PTPN13: variants seen among roughly 807,000 people sequenced by gnomAD.
PTPN13 encodes the protein protein tyrosine phosphatase non-receptor type 13.
In PTPN13, 191 loss-of-function variants were observed where a neutral mutation model predicts 284.0. That is an observed-to-expected ratio of 0.67 (90% CI 0.60 to 0.76). The LOEUF is 0.76. Ranked by LOEUF, PTPN13 falls within the 30% of genes least tolerant of loss-of-function variation. The pLI, the probability that PTPN13 is intolerant of heterozygous loss-of-function variation, is 0.00. For missense variants in PTPN13, 2,797 were observed against 2,939.9 expected (o/e 0.95, Z 1.12); for synonymous variants, 986 against 1,022.3 (o/e 0.96, Z 0.68).
At chr4:86,627,035 G>A (rs936282341) in intron 1 of PTPN13, among the ~76,000 whole-genome samples, 2 of 152,052 alleles carry the variant, frequency 1.3e-5, no homozygotes, top group Non-Finnish European at 2.9e-5. Flanking sequence ...CCTTAAAAAA[G>A]AAGGAAATCC....
At chr4:86,711,114 T>TTG in intron 7 of PTPN13, among the ~76,000 whole-genome samples, 1 of 149,698 alleles carries the variant, frequency 6.7e-6, no homozygotes, top group Admixed American at 6.7e-5. Context: ...TTTTTTTTTT[T>TTG]TTTGGAGAGA....
chr4:86,611,630 C>CT (rs1447570047), intron 1 of PTPN13, among the ~76,000 whole-genome samples: 7 of 152,174 alleles, frequency 4.6e-5, no homozygotes, highest in African/African-American at 1.7e-4. Context: ...CAAGATAAGC[C>CT]TTATCACTAC....
intron 2 of PTPN13, among the ~76,000 whole-genome samples, chr4:86,647,354 T>C (rs1339987321): frequency 6.6e-6 from 1 of 152,040 alleles, no homozygotes; most frequent in African/African-American, 2.4e-5. Context: ...AAGAAAAATG[T>C]TTTTCAGTCA....
chr4:86,728,280 A>T (rs917577172), intron 10 of PTPN13, among the ~76,000 whole-genome samples: 1 of 149,610 alleles, frequency 6.7e-6, no homozygotes, highest in African/African-American at 2.4e-5. Flanking sequence ...GCTGAGAAGA[A>T]TGTACATTCT....
At chr4:86,725,387 C>A (rs963368722) in intron 10 of PTPN13, among the ~76,000 whole-genome samples, 1 of 149,238 alleles carries the variant, frequency 6.7e-6, no homozygotes, top group South Asian at 2.1e-4. Flanking sequence ...CTTGAGTAAT[C>A]GCCACACTGT....
chr4:86,635,319 A>G lies in PTPN13; in HGVS notation c.63A>G (p.Ile21Met), dbSNP rs772378872. 7 of 1,607,870 alleles carry G rather than the reference A, an allele frequency of 4.4e-6. No homozygotes were observed. Among genetic ancestry groups the G allele is most frequent in the South Asian group, 1.1e-5 (1 of 89,232 alleles). Residue 21 changes from isoleucine to methionine, a missense_variant, in exon 2 of 48, where the codon ATA becomes ATG. Coordinates refer to ENST00000411767, the MANE Select transcript of PTPN13 (RefSeq NM_080683.3). ...VRGGPLQEEE[I>M]WAVLNQSAES... ...GTGGACCACTTCAGGAGGAAGAAAT[A>G]TGGGCTGTATTAAATCAAAGTGCTG...
chr4:86,750,336 C>A (rs1165556767), intron 17 of PTPN13, 134 bp from the exon 18 acceptor site: 15 of 785,846 alleles, frequency 1.9e-5, no homozygotes, highest in Non-Finnish European at 2.9e-5. Context: ...CTGATTGCCA[C>A]ACTTTGAAAG....
At chr4:86,750,404 A>C (rs1411915551) in intron 17 of PTPN13, 66 bp from the exon 18 acceptor site, 8 of 1,358,052 alleles carry the variant, frequency 5.9e-6, no homozygotes, top group Non-Finnish European at 8.1e-6. Context: ...TTATTTATTA[A>C]CATAATTATT....
intron 35 of PTPN13, among the ~76,000 whole-genome samples, chr4:86,777,372 G>A (rs1245885442): frequency 6.6e-6 from 1 of 151,954 alleles, no homozygotes; most frequent in Non-Finnish European, 1.5e-5. Flanking sequence ...CTGTTGCCAC[G>A]TCTCTTTCTG....
intron 2 of PTPN13, chr4:86,661,192 A>T (rs1235268288): frequency 2.5e-6 from 1 of 396,068 alleles, no homozygotes; most frequent in Non-Finnish European, 4.9e-6. Flanking sequence ...CATATCACAC[A>T]GATAATATTT....
rs568974478 is a variant in PTPN13, at chr4:86,667,262, C to T, written c.116-5103C>T. ...AAATGATGTTGCATGATTATCTATACCAAGAAAACTTAAATGTAAAATGTC... is the reference window on the plus strand; with the variant it reads ...AAATGATGTTGCATGATTATCTATATCAAGAAAACTTAAATGTAAAATGTC... On this transcript the variant is annotated intron_variant, in intron 2 of 47. Transcript: ENST00000411767. Among the ~76,000 whole-genome samples the T allele has an allele frequency of 3.9e-5, 6 of 152,198 alleles. No homozygotes were observed. The East Asian group carries it at 1.2e-3, about 29-fold the overall frequency.
intron 6 of PTPN13, among the ~76,000 whole-genome samples, chr4:86,695,441 A>G (rs1228912527): frequency 1.3e-5 from 2 of 152,018 alleles, no homozygotes; most frequent in African/African-American, 4.8e-5. Flanking sequence ...TGTAAACTTT[A>G]GCACTAATAA....
At chr4:86,725,316 C>A (rs1203493251) in intron 10 of PTPN13, among the ~76,000 whole-genome samples, 2 of 149,206 alleles carry the variant, frequency 1.3e-5, no homozygotes, top group African/African-American at 4.9e-5. Context: ...GATTTATAAT[C>A]CTTTGGGTAT....
In PTPN13 at chr4:86,594,739, G is replaced by C. The variant is rs1253997668; in HGVS notation, c.-56G>C. 1 of 152,358 alleles carries C rather than the reference G, an allele frequency of 6.6e-6. No individual in the cohort carries two copies. Among genetic ancestry groups the C allele is most frequent in the East Asian group, 1.9e-4 (1 of 5,176 alleles). 9.4% of individuals were successfully genotyped at this position (152,358 alleles called of 1,614,324 possible). A position where few individuals can be genotyped will look rare whatever the true frequency, so the allele number is the denominator to read the frequency against. ...CGGCCCGCCCCGACGCCGCGTCCCT[G>C]CAGCCCTCGCCCGGCGCTCCAGTAG... is the stretch of plus-strand genomic sequence containing the variant. On this transcript the variant is annotated 5_prime_UTR_variant, in exon 1 of 48. Coordinates refer to ENST00000411767, the MANE Select transcript of PTPN13 (RefSeq NM_080683.3).
chr4:86,671,197 A>T (rs1209587234), intron 2 of PTPN13, among the ~76,000 whole-genome samples: 1 of 152,214 alleles, frequency 6.6e-6, no homozygotes, highest in Non-Finnish European at 1.5e-5. Context: ...GATCATGTAG[A>T]TGATAGGTAG....
intron 15 of PTPN13, among the ~76,000 whole-genome samples, chr4:86,740,144 C>G (rs1275446777): frequency 6.6e-6 from 1 of 152,180 alleles, no homozygotes; most frequent in Non-Finnish European, 1.5e-5. Context: ...GTCTGGAGGA[C>G]AGTGGCCCTC....
chr4:86,665,519 C>G (rs1263612699), intron 2 of PTPN13, among the ~76,000 whole-genome samples: 7 of 152,080 alleles, frequency 4.6e-5, no homozygotes, highest in Non-Finnish European at 1.0e-4. Context: ...TCAATAAGTA[C>G]TAATTGGTTT....
At chr4:86,756,168 T>C (rs937661325) in intron 20 of PTPN13, among the ~76,000 whole-genome samples, 1 of 151,996 alleles carries the variant, frequency 6.6e-6, no homozygotes. Flanking sequence ...TTAATCACTT[T>C]ACAAAGCACT....
At chr4:86,743,284 A>AT (rs1339570479) in intron 16 of PTPN13, among the ~76,000 whole-genome samples, 2 of 152,100 alleles carry the variant, frequency 1.3e-5, no homozygotes, top group Non-Finnish European at 2.9e-5. Flanking sequence ...TATCTCTGGC[A>AT]TTTTTTGTGT....
Sources: allele counts gnomAD v4.1 joint callset (sites outside exome capture counted in the v4.1 genomes callset), GRCh38; gene constraint gnomAD v4.1.1; transcripts MANE v1.5; gene names NCBI Gene and HGNC (gene_info 2026-07-23, HGNC 2026-07-21).